The following JAK1 variants were observed in gnomAD, a reference collection of about 807,000 sequenced individuals.
JAK1 encodes the protein Janus kinase 1.
A neutral mutation model predicts 136.6 loss-of-function variants in JAK1; 16 were observed. That is an observed-to-expected ratio of 0.12 (90% confidence interval 0.08 to 0.18). JAK1 has a LOEUF of 0.18. Among genes scored for constraint, JAK1 ranks in the 10% least tolerant of loss-of-function variants. The pLI is 1.00. For synonymous variants in JAK1, 492 were observed against 519.5 expected (o/e 0.95, Z 0.72); for missense variants, 859 against 1,450.1 (o/e 0.59, Z 6.62).
chr1:64,985,678 T>C, intron 2 of JAK1: 1 of 723,888 alleles, frequency 1.4e-6, no homozygotes, highest in Non-Finnish European at 2.5e-6. Flanking sequence ...CCGATGTACG[T>C]GGGCACAAAA....
At chr1:65,046,327 C>A (rs74348402) in intron 1 of JAK1, among the ~76,000 whole-genome samples, 2 of 152,128 alleles carry the variant, frequency 1.3e-5, no homozygotes, top group African/African-American at 4.8e-5. Flanking sequence ...AAGTCAGACA[C>A]GGACAAGCTG....
chr1:64,943,253 A>T (rs753217627), intron 1 of JAK1, among the ~76,000 whole-genome samples: 1 of 152,214 alleles, frequency 6.6e-6, no homozygotes, highest in Non-Finnish European at 1.5e-5. Flanking sequence ...TTACCTCATC[A>T]GATGACCATA....
chr1:64,873,396 T>G lies in JAK1; in HGVS notation c.457A>C (p.Ser153Arg). 1 of 1,614,214 alleles carries G rather than the reference T, an allele frequency of 6.2e-7. No homozygotes were observed. Among genetic ancestry groups the G allele is most frequent in the Non-Finnish European group, 8.5e-7 (1 of 1,180,028 alleles). Residue 153 changes from serine (S) to arginine (R), a missense_variant, in exon 5 of 25, where the codon AGC becomes CGC. Around this residue, in one of 4 missense-constraint regions of JAK1, gnomAD observed 353 missense variants for 494.0 expected, o/e 0.71. Coordinates refer to ENST00000342505, the MANE Select transcript of JAK1 (RefSeq NM_002227.4). Reference protein sequence around the residue: ...IPDATPLLDASSLEYLFAQGQ... With the variant: ...IPDATPLLDARSLEYLFAQGQ... ...TGAGCAAACAGATACTCCAGTGAGC[T>G]GGCATCAAGGAGAGGGGTTGCATCT...
chr1:65,033,525 C>T (rs2100819060), intron 2 of JAK1, among the ~76,000 whole-genome samples: 1 of 151,998 alleles, frequency 6.6e-6, no homozygotes, highest in African/African-American at 2.4e-5. Context: ...CTGAATACAA[C>T]TCTTAAATTA....
intron 2 of JAK1, among the ~76,000 whole-genome samples, chr1:65,029,311 G>A (rs1199804399): frequency 6.6e-6 from 1 of 152,074 alleles, no homozygotes; most frequent in Non-Finnish European, 1.5e-5. Context: ...TGTTGCCCAG[G>A]CTGGTCTTAA....
rs373251481 is a variant in JAK1, at chr1:64,869,425, G to T, written c.533C>A (p.Thr178Asn). 2.5e-6 allele frequency: 4 copies of T among 1,613,726 alleles called. No homozygotes were observed. In the African/African-American group the frequency reaches 5.3e-5, roughly 22 times the overall value. The change falls in exon 6 of 25, where the codon ACC becomes AAC. Residue 178 changes from threonine (T) to asparagine (N), a missense_variant. Around this residue, in one of 4 missense-constraint regions of JAK1, gnomAD observed 353 missense variants for 494.0 expected, o/e 0.71. Transcript: ENST00000342505. ...CTCAATATCATGTCCATCCTGCTCGGTCTTGGGGTCTCGAATAGGAGCCAG... is the reference window on the plus strand; with the variant it reads ...CTCAATATCATGTCCATCCTGCTCGTTCTTGGGGTCTCGAATAGGAGCCAG... ...KCLAPIRDPK[T>N]EQDGHDIENE... is the part of the protein sequence containing the mutation.
chr1:64,911,875 T>C (rs1038162372), intron 1 of JAK1, among the ~76,000 whole-genome samples: 2 of 152,214 alleles, frequency 1.3e-5, no homozygotes, highest in African/African-American at 4.8e-5. Flanking sequence ...GATCTAAATA[T>C]AGGCAAGGAT....
At chr1:65,056,899 G>A (rs1647564042) in intron 1 of JAK1, among the ~76,000 whole-genome samples, 1 of 140,910 alleles carries the variant, frequency 7.1e-6, no homozygotes, top group Non-Finnish European at 1.5e-5. Flanking sequence ...ACTCCAGCCT[G>A]ACCGCAGACT....
chr1:65,061,171 C>T (rs900932600), intron 1 of JAK1, among the ~76,000 whole-genome samples: 12 of 152,150 alleles, frequency 7.9e-5, no homozygotes, highest in South Asian at 4.1e-4. Context: ...GTAATCTCAG[C>T]GCCTTAGGAG....
intron 1 of JAK1, among the ~76,000 whole-genome samples, chr1:64,928,786 A>AAAAAAAAAAAAAAAAAAAAAAAAAAC (rs1645630879): frequency 8.5e-6 from 1 of 117,912 alleles, no homozygotes; most frequent in Non-Finnish European, 1.6e-5. Flanking sequence ...TGCAAAAAAA[A>AAAAAAAAAAAAAAAAAAAAAAAAAAC]AAAAAAAAAA....
rs2100995013 is a variant in JAK1, at chr1:64,844,813, C to T, written c.2192G>A (p.Cys731Tyr). Residue 731 changes from cysteine (C) to tyrosine (Y), a missense_variant, in exon 16 of 25, where the codon TGT (cysteine) becomes TAT (tyrosine). By Grantham distance (194) the Cys-to-Tyr change is radical. Coordinates refer to ENST00000342505, the MANE Select transcript of JAK1 (RefSeq NM_002227.4). The surrounding 1 kb of genome is among the most constrained non-coding windows in gnomAD (Gnocchi z 5.7). ...GTCACTGAGCTTGATGAATGGGCCA[C>T]ACTCACTGTCGATGCCCTCACGGGC... is the stretch of plus-strand genomic sequence containing the variant. ...LLAREGIDSE[C>Y]GPFIKLSDPG... is the part of the protein sequence containing the mutation. The T allele has an allele frequency of 6.2e-7, 1 of 1,614,246 alleles. No homozygotes were observed. The highest frequency in any genetic ancestry group is 1.1e-5 in the South Asian group (1 of 91,086).
At chr1:64,841,899 G>C (rs1232646755) in intron 17 of JAK1, among the ~76,000 whole-genome samples, 1 of 152,194 alleles carries the variant, frequency 6.6e-6, no homozygotes, top group Non-Finnish European at 1.5e-5. Flanking sequence ...AAAATCTTCA[G>C]ATTCTTCAAA....
intron 1 of JAK1, among the ~76,000 whole-genome samples, chr1:64,904,588 A>C (rs1291023633): frequency 6.6e-6 from 1 of 152,230 alleles, no homozygotes; most frequent in Non-Finnish European, 1.5e-5. Flanking sequence ...AGTCCGGATC[A>C]GATGTTCTCT....
chr1:64,964,932 T>G (rs953455272), intron 1 of JAK1, among the ~76,000 whole-genome samples: 5 of 152,084 alleles, frequency 3.3e-5, no homozygotes, highest in African/African-American at 1.2e-4. Flanking sequence ...AACACATTGA[T>G]CCTTCAATGA....
chr1:65,041,218 C>T (rs1237915640), intron 2 of JAK1, among the ~76,000 whole-genome samples: 1 of 152,076 alleles, frequency 6.6e-6, no homozygotes, highest in Non-Finnish European at 1.5e-5. Context: ...GAGGAGACCG[C>T]GCCAAGTGGA....
At chr1:64,997,881 C>CTTT (rs1307173142) in intron 2 of JAK1, among the ~76,000 whole-genome samples, 2 of 152,130 alleles carry the variant, frequency 1.3e-5, no homozygotes, top group African/African-American at 2.4e-5. Context: ...CTGATGGAAG[C>CTTT]CCAGAGCCAC....
rs369618562 is a variant in JAK1 at position 64,861,314 on chromosome 1, T to C, written c.1177-1052A>G. Among the ~76,000 whole-genome samples, 18 of 151,772 alleles carry C rather than the reference T, an allele frequency of 1.2e-4. 1 individual carries two copies. The highest frequency in any genetic ancestry group is 3.9e-4 in the Admixed American group (6 of 15,240). On this transcript the variant is annotated intron_variant, in intron 8 of 24. Coordinates refer to ENST00000342505, the MANE Select transcript of JAK1 (RefSeq NM_002227.4). ...GATTAAGCCTAGGGAGCTCTGAGAG[T>C]TGGAGAGAGCAGAGTGTCTTACTCA...
intron 1 of JAK1, 24 bp from the exon 2 acceptor site, chr1:64,886,365 A>AATAT (rs1301216241): frequency 1.0e-5 from 14 of 1,361,958 alleles, no homozygotes; most frequent in Non-Finnish European, 1.4e-5. Flanking sequence ...TAAATAAATA[A>AATAT]ATCAGTGGCA....
intron 2 of JAK1, among the ~76,000 whole-genome samples, chr1:65,021,905 C>A (rs781638147): frequency 6.6e-5 from 10 of 152,160 alleles, no homozygotes; most frequent in Non-Finnish European, 1.3e-4. Context: ...AGCCTCCTGA[C>A]TTTCAGACTC....
Sources: allele counts gnomAD v4.1 joint callset (sites outside exome capture counted in the v4.1 genomes callset), GRCh38; gene constraint gnomAD v4.1.1; regional missense constraint gnomAD v4.1.1; non-coding constraint Gnocchi (gnomAD v3.1); transcripts MANE v1.5; gene names NCBI Gene and HGNC (gene_info 2026-07-23, HGNC 2026-07-21).